The following LAMA3 variants were observed in gnomAD, a reference collection of about 807,000 sequenced individuals.
LAMA3 encodes the protein laminin subunit alpha 3.
Under a neutral mutation model 402.0 loss-of-function variants are expected in LAMA3, and 281 were observed. The ratio of observed to expected loss-of-function variants is 0.70; its 90% CI spans 0.63 to 0.77. The LOEUF (loss-of-function observed/expected upper bound fraction) is 0.77. LAMA3 is among the 30% of genes least tolerant of loss of function. The pLI, the probability that LAMA3 is intolerant of heterozygous loss-of-function variation, is 0.00. For missense variants in LAMA3, 3,840 were observed against 4,215.5 expected, an observed-to-expected ratio of 0.91 and a Z score of 2.47; for synonymous variants, 1,431 against 1,558.4, an observed-to-expected ratio of 0.92 and a Z score of 1.93.
chr18:23,773,460 A>G, intron 8 of LAMA3, 37 bp from the exon 9 acceptor site: 5 of 1,318,152 alleles, frequency 3.8e-6, no homozygotes, highest in Non-Finnish European at 5.4e-6. Flanking sequence ...CGTCTTCCCC[A>G]GAACCCTTCC....
chr18:23,837,156 A>G (rs2063599700), intron 25 of LAMA3, 67 bp downstream of exon 25: 2 of 1,149,726 alleles, frequency 1.7e-6, no homozygotes, highest in Non-Finnish European at 2.6e-6. Flanking sequence ...TTTGAAGCTT[A>G]TTAAAATTTT....
chr18:23,902,800 A>G (rs926794269), intron 48 of LAMA3, among the ~76,000 whole-genome samples: 2 of 152,210 alleles, frequency 1.3e-5, no homozygotes, highest in African/African-American at 4.8e-5. Flanking sequence ...CAATTGTTTC[A>G]TTGGCATATC....
chr18:23,827,395 G>A lies in LAMA3; in HGVS notation c.2751G>A (p.Gly917=), dbSNP rs1377922093. The A allele has an allele frequency of 3.1e-6, 5 of 1,614,058 alleles. No individual in the cohort carries two copies. The African/African-American group carries it at 4.0e-5, about 13-fold the overall frequency. Residue 917 remains glycine, a synonymous_variant, in exon 23 of 75, where the codon GGG becomes GGA. Coordinates refer to ENST00000313654, the MANE Select transcript of LAMA3 (RefSeq NM_198129.4). ...AGGCCAGACACTTCCTGCTTGATGG[G>A]GAGCCAAGACCCGTGGCAGTGAGGC... is the stretch of plus-strand genomic sequence containing the variant. ...ACEARHFLLD[G]EPRPVAVRQP...
chr18:23,893,527 G>A (rs2080766194), intron 42 of LAMA3, among the ~76,000 whole-genome samples: 1 of 152,168 alleles, frequency 6.6e-6, no homozygotes, highest in African/African-American at 2.4e-5. Context: ...AGATTGCAGT[G>A]AGCTGACATC....
rs142876631 is a variant in LAMA3, at chr18:23,867,807, A to G, written c.4684-27A>G. ...CTTGAAAGATCCCAGTGAAGGTACT[A>G]ACACATTCATGGTTTTCTTTAAACA... On this transcript the variant is annotated intron_variant, in intron 36 of 74. Transcript: ENST00000313654. 0.011 allele frequency: 17,277 copies of G among 1,563,768 alleles called. 308 individuals carry two copies. The highest frequency in any genetic ancestry group is 0.066 in the South Asian group (5,936 of 90,044).
In LAMA3 at chr18:23,814,920, T is replaced by C. The variant is rs538570708; in HGVS notation, c.1889-268T>C. Among the ~76,000 whole-genome samples the C allele has an allele frequency of 9.8e-4, 150 of 152,368 alleles. 1 individual carries two copies. The highest frequency in any genetic ancestry group is 1.9e-3 in the Non-Finnish European group (130 of 68,026). On this transcript the variant is annotated intron_variant, in intron 15 of 74. Coordinates refer to ENST00000313654, the MANE Select transcript of LAMA3 (RefSeq NM_198129.4). ...AGTAATGACCTCGGCATTGGAATCATTCAAAAATCCCATGATGTTGCAGCT... is the reference window on the plus strand; with the variant it reads ...AGTAATGACCTCGGCATTGGAATCACTCAAAAATCCCATGATGTTGCAGCT...
intron 48 of LAMA3, among the ~76,000 whole-genome samples, chr18:23,902,099 G>A (rs951070861): frequency 1.3e-5 from 2 of 152,212 alleles, no homozygotes; most frequent in African/African-American, 4.8e-5. Context: ...AAGGCAAGAG[G>A]ATTGCTTGGG....
chr18:23,945,097 C>T (rs2082661348), intron 69 of LAMA3, among the ~76,000 whole-genome samples: 1 of 152,324 alleles, frequency 6.6e-6, no homozygotes, highest in Non-Finnish European at 1.5e-5. Flanking sequence ...CACACCACTG[C>T]ACTCCAGCCT....
Position 23,857,908 on chromosome 18 carries a change from G to T in LAMA3, c.4201G>T (p.Glu1401Ter), listed in dbSNP as rs752265207. The T allele has an allele frequency of 1.2e-6, 2 of 1,614,218 alleles. No individual in the cohort carries two copies. Among genetic ancestry groups the T allele is most frequent in the African/African-American group, 1.3e-5 (1 of 75,056 alleles). The change falls in exon 33 of 75, where the codon GAG becomes TAG. Residue 1401 changes from glutamate (E) to a stop codon, truncating the protein, a stop_gained. Coordinates refer to ENST00000313654, the MANE Select transcript of LAMA3 (RefSeq NM_198129.4). LOFTEE classifies it high-confidence loss of function. ...RCASGFYRFP[E>*]CVPCNCNRDG... ...TGCTTCCGGGTTTTACCGCTTTCCT[G>T]AGTGTGTTCCCTGCAATTGCAACAG...
rs1236151548 is a variant in LAMA3, at chr18:23,954,596, A to AC, written c.9950_9951insC (p.Glu3317AspfsTer16). On this transcript the variant is annotated frameshift_variant, in exon 75 of 75. Transcript: ENST00000313654. LOFTEE classifies it high-confidence loss of function. ...AATCACATCCCTGTCCCTGTCACTG[A>AC]AGCCTTGGAAGTCCAGGGGCCTGTC... 1 of 1,613,990 alleles carries AC rather than the reference A, an allele frequency of 6.2e-7. No individual in the cohort carries two copies. The highest frequency in any genetic ancestry group is 8.5e-7 in the Non-Finnish European group (1 of 1,179,966).
intron 12 of LAMA3, 26 bp from the exon 13 acceptor site, chr18:23,810,340 A>G: frequency 6.2e-7 from 1 of 1,613,670 alleles, no homozygotes; most frequent in Non-Finnish European, 8.5e-7. Context: ...ACCCCCGCCT[A>G]AGTCTGATTG....
intron 2 of LAMA3, among the ~76,000 whole-genome samples, chr18:23,717,475 T>C (rs1191473771): frequency 6.6e-6 from 1 of 151,876 alleles, no homozygotes; most frequent in African/African-American, 2.4e-5. Context: ...GACTAGTTGG[T>C]GTTTTTCATT....
At chr18:23,784,330 T>C (rs990950044) in intron 12 of LAMA3, among the ~76,000 whole-genome samples, 173 bp downstream of exon 12, 3 of 152,204 alleles carry the variant, frequency 2.0e-5, no homozygotes, top group African/African-American at 7.2e-5. Flanking sequence ...TCACTTCCCT[T>C]CTTTCCAACC....
intron 69 of LAMA3, among the ~76,000 whole-genome samples, chr18:23,945,217 G>T (rs1005143482): frequency 2.4e-4 from 36 of 152,362 alleles, no homozygotes; most frequent in Non-Finnish European, 4.4e-4. Context: ...CTGCCAGGGG[G>T]CAAGAGTAGC....
chr18:23,903,731 A>G (rs2081150010), intron 49 of LAMA3, among the ~76,000 whole-genome samples: 1 of 152,234 alleles, frequency 6.6e-6, no homozygotes, highest in Admixed American at 6.5e-5. Context: ...GAGAATGTTC[A>G]AGATAGTGGT....
At chr18:23,757,054 G>A (rs1041622280) in intron 6 of LAMA3, among the ~76,000 whole-genome samples, 1 of 151,582 alleles carries the variant, frequency 6.6e-6, no homozygotes, top group Non-Finnish European at 1.5e-5. Context: ...ACGCCAGGCT[G>A]GGCGTCTGTG....
At chr18:23,902,616 C>T (rs756629251) in intron 48 of LAMA3, among the ~76,000 whole-genome samples, 4 of 152,184 alleles carry the variant, frequency 2.6e-5, no homozygotes, top group South Asian at 2.1e-4. Flanking sequence ...TCTCAGGTTC[C>T]GTGTGACCTC....
chr18:23,882,324 G>A (rs983250206), intron 40 of LAMA3, among the ~76,000 whole-genome samples: 11 of 152,044 alleles, frequency 7.2e-5, no homozygotes, highest in Non-Finnish European at 1.2e-4. Flanking sequence ...GAACAAACAC[G>A]ACATACAAGA....
chr18:23,693,451 G>C (rs2060629507), intron 1 of LAMA3, among the ~76,000 whole-genome samples: 1 of 150,308 alleles, frequency 6.7e-6, no homozygotes, highest in South Asian at 2.1e-4. Flanking sequence ...ATTTCATCTT[G>C]AATGACTCCT....
Sources: gnomAD v4.1 joint callset for allele counts (sites outside exome capture counted in the v4.1 genomes callset) on GRCh38, gnomAD v4.1.1 for gene constraint, MANE v1.5 for transcripts, NCBI Gene and HGNC (gene_info 2026-07-23, HGNC 2026-07-21) for gene names.